Variants in AK5 observed in about 807,000 individuals in gnomAD.
AK5 encodes the protein adenylate kinase isoenzyme 5.
In AK5, 27 loss-of-function variants were observed where a neutral mutation model predicts 69.5. The ratio of observed to expected loss-of-function variants is 0.39; its 90% CI spans 0.29 to 0.54. AK5 has a LOEUF of 0.54. Among genes scored for constraint, AK5 ranks in the 20% least tolerant of loss-of-function variants. The pLI is 0.71. For synonymous variants in AK5, 260 were observed against 244.4 expected (o/e 1.06, Z -0.60); for missense variants, 531 against 700.4 (o/e 0.76, Z 2.73).
intron 8 of AK5, among the ~76,000 whole-genome samples, chr1:77,451,572 A>G (rs915531390): frequency 6.6e-6 from 1 of 152,266 alleles, no homozygotes; most frequent in Non-Finnish European, 1.5e-5. Flanking sequence ...ACCAAAGCGT[A>G]TAACGGATAG....
intron 5 of AK5, among the ~76,000 whole-genome samples, chr1:77,309,637 TACC>T: frequency 6.6e-6 from 1 of 152,296 alleles, no homozygotes; most frequent in Admixed American, 6.5e-5. Context: ...CATCAGTACT[TACC>T]TTTTTATTTT....
chr1:77,483,206 G>T, intron 8 of AK5, 111 bp from the exon 9 acceptor site: 3 of 749,672 alleles, frequency 4.0e-6, no homozygotes, highest in Non-Finnish European at 4.8e-6. Flanking sequence ...AAATTGTTTG[G>T]AGGTGCCTCC....
chr1:77,366,318 GGTCCAGTGCCTA>G (rs1311577223), intron 6 of AK5, among the ~76,000 whole-genome samples: 3 of 152,124 alleles, frequency 2.0e-5, no homozygotes, highest in Non-Finnish European at 4.4e-5. Context: ...TAAAATATTT[GGTCCAGTGCCTA>G]GCACATTATA....
intron 10 of AK5, among the ~76,000 whole-genome samples, chr1:77,494,973 G>A (rs1656224758): frequency 1.3e-5 from 2 of 151,892 alleles, no homozygotes; most frequent in South Asian, 2.1e-4. Flanking sequence ...TAATAGAGAC[G>A]GGGTTTCACC....
At chr1:77,384,881 A>AG (rs1377475501) in intron 6 of AK5, among the ~76,000 whole-genome samples, 1 of 152,110 alleles carries the variant, frequency 6.6e-6, no homozygotes, top group Non-Finnish European at 1.5e-5. Flanking sequence ...AGCAGGACTG[A>AG]GGGTTGTTTG....
chr1:77,400,460 C>T (rs1649132546), intron 6 of AK5, among the ~76,000 whole-genome samples: 1 of 152,080 alleles, frequency 6.6e-6, no homozygotes, highest in Non-Finnish European at 1.5e-5. Context: ...ATAAAGAAAA[C>T]CTCTAATGCA....
At chr1:77,417,817 T>C (rs1202654503) in intron 8 of AK5, 102 bp downstream of exon 8, 1 of 664,182 alleles carries the variant, frequency 1.5e-6, no homozygotes, top group African/African-American at 1.8e-5. Flanking sequence ...TTTTGTGAAA[T>C]ATATACAGAT....
chr1:77,389,334 C>T (rs1007710866), intron 6 of AK5, among the ~76,000 whole-genome samples: 29 of 152,114 alleles, frequency 1.9e-4, no homozygotes, highest in African/African-American at 6.8e-4. Flanking sequence ...TTGTCCCAAA[C>T]GCCAGGAAAG....
chr1:77,434,627 A>C (rs1442862616), intron 8 of AK5, among the ~76,000 whole-genome samples: 4 of 152,210 alleles, frequency 2.6e-5, no homozygotes, highest in Non-Finnish European at 5.9e-5. Context: ...TCCAAAGCTC[A>C]GTTTTCCTAA....
intron 6 of AK5, among the ~76,000 whole-genome samples, chr1:77,397,406 G>A (rs1648904294): frequency 1.3e-5 from 2 of 152,136 alleles, no homozygotes; most frequent in African/African-American, 2.4e-5. Flanking sequence ...AGACGTTGCC[G>A]TGTTTGACTG....
chr1:77,518,444 C>A (rs1215056766), intron 10 of AK5, 120 bp from the exon 11 acceptor site: 1 of 1,049,302 alleles, frequency 9.5e-7, no homozygotes, highest in Non-Finnish European at 1.4e-6. Context: ...TATAGCAAAT[C>A]TCAAGTTCCC....
intron 13 of AK5, among the ~76,000 whole-genome samples, chr1:77,537,609 A>C (rs923122760): frequency 2.0e-5 from 3 of 152,166 alleles, no homozygotes; most frequent in African/African-American, 7.2e-5. Flanking sequence ...TGGAGAAGGG[A>C]GAGTGGGATC....
intron 5 of AK5, among the ~76,000 whole-genome samples, chr1:77,321,994 T>G: frequency 6.6e-6 from 1 of 152,200 alleles, no homozygotes; most frequent in Non-Finnish European, 1.5e-5. Flanking sequence ...AGCAGCAAAT[T>G]TTTATGTACT....
At chr1:77,464,677 G>C (rs531118891) in intron 8 of AK5, among the ~76,000 whole-genome samples, 16 of 152,250 alleles carry the variant, frequency 1.1e-4, no homozygotes, top group African/African-American at 3.4e-4. Flanking sequence ...AGATCAGAAA[G>C]AGTTTTGCAT....
intron 8 of AK5, among the ~76,000 whole-genome samples, chr1:77,476,680 T>C (rs2100709084): frequency 6.6e-6 from 1 of 152,210 alleles, no homozygotes; most frequent in East Asian, 1.9e-4. Flanking sequence ...GCTTGGGGAA[T>C]TGGGAAGCCC....
chr1:77,282,551 T>C, intron 1 of AK5, 178 bp downstream of exon 1: 1 of 1,373,624 alleles, frequency 7.3e-7, no homozygotes, highest in African/African-American at 1.5e-5. Flanking sequence ...GTTGCCAGGG[T>C]CCTTGTCAGA....
In AK5 at chr1:77,349,498, T is replaced by C. The variant is rs372819370; in HGVS notation, c.891+8930T>C. On this transcript the variant is annotated intron_variant, in intron 6 of 13. Transcript: ENST00000354567. ...GCTGGCCCCAAAGGCTGTTTTGTGA[T>C]CATTCTGTTGTTCATTCATCAAAAT... is the stretch of plus-strand genomic sequence containing the variant. The C allele has an allele frequency of 2.0e-5, 3 of 152,196 alleles. No homozygotes were observed. The East Asian group carries it at 5.8e-4, about 29-fold the overall frequency. 9.4% of individuals were successfully genotyped at this position (152,196 alleles called of 1,614,324 possible).
chr1:77,476,293 C>T lies in AK5; in HGVS notation c.1060-7024C>T, dbSNP rs150646496. On this transcript the variant is annotated intron_variant, in intron 8 of 13. Transcript: ENST00000354567. ...CCATACTTTTTTTCTTTCAAATTGCCCATTACTTTAAATGAAAACATGGTT... is the reference window on the plus strand; with the variant it reads ...CCATACTTTTTTTCTTTCAAATTGCTCATTACTTTAAATGAAAACATGGTT... Among the ~76,000 whole-genome samples, 224 of 152,172 alleles carry T rather than the reference C, an allele frequency of 1.5e-3. 1 individual carries two copies. The highest frequency in any genetic ancestry group is 5.0e-3 in the African/African-American group (209 of 41,498).
At chr1:77,431,395 T>C (rs1651629482) in intron 8 of AK5, among the ~76,000 whole-genome samples, 1 of 152,146 alleles carries the variant, frequency 6.6e-6, no homozygotes, top group Non-Finnish European at 1.5e-5. Context: ...ATACTGAGTG[T>C]TGTGGAATTC....
Sources: allele counts gnomAD v4.1 joint callset (sites outside exome capture counted in the v4.1 genomes callset), GRCh38; gene constraint gnomAD v4.1.1; transcripts MANE v1.5; gene names NCBI Gene and HGNC (gene_info 2026-07-23, HGNC 2026-07-21).